The following ARHGEF9 variants were observed in gnomAD, a reference collection of about 807,000 sequenced individuals.
ARHGEF9 encodes the protein rho guanine nucleotide exchange factor 9.
A neutral mutation model predicts 41.3 loss-of-function variants in ARHGEF9; 2 were observed. The observed-to-expected ratio is 0.05, with a 90% CI of 0.02 to 0.15. The LOEUF (loss-of-function observed/expected upper bound fraction) is 0.15. ARHGEF9 is among the 10% of genes least tolerant of loss of function. ARHGEF9 has a pLI of 1.00. For missense variants in ARHGEF9, 225 were observed against 424.7 expected (o/e 0.53, Z 4.13); for synonymous variants, 160 against 154.4 (o/e 1.04, Z -0.27).
intron 1 of ARHGEF9, among the ~76,000 whole-genome samples, chrX:63,774,973 CA>C (rs1423064649): frequency 3.0e-4 from 33 of 111,563 alleles, no homozygotes; most frequent in Non-Finnish European, 5.7e-4. Flanking sequence ...TCAATAAGCA[CA>C]CACACAAAAA....
intron 2 of ARHGEF9, among the ~76,000 whole-genome samples, chrX:63,710,635 G>A (rs1426613145): frequency 9.1e-6 from 1 of 109,621 alleles, no homozygotes; most frequent in African/African-American, 3.3e-5. Context: ...ACCCTTTCAT[G>A]ATTAAAAAAA....
chrX:63,666,734 T>A (rs782742567), intron 6 of ARHGEF9, among the ~76,000 whole-genome samples: 2 of 111,342 alleles, frequency 1.8e-5, no homozygotes, highest in Non-Finnish European at 3.8e-5. Context: ...AATCTACTGA[T>A]TGAATAAGAA....
chrX:63,738,839 T>G (rs2054771336), intron 1 of ARHGEF9, among the ~76,000 whole-genome samples: 1 of 111,323 alleles, frequency 9.0e-6, no homozygotes, highest in African/African-American at 3.3e-5. Flanking sequence ...CTCTCACCAC[T>G]CCACTCAATG....
chrX:63,699,335 G>A (rs1392081442), intron 3 of ARHGEF9, among the ~76,000 whole-genome samples: 4 of 111,647 alleles, frequency 3.6e-5, no homozygotes, highest in African/African-American at 1.3e-4. Context: ...GACAGAAGAG[G>A]GCAGCGTAGA....
In ARHGEF9 at chrX:63,717,422, T is replaced by C. The variant is rs781845290; in HGVS notation, c.210+7110A>G. On this transcript the variant is annotated intron_variant, in intron 2 of 9. Coordinates refer to ENST00000671741, the MANE Select transcript of ARHGEF9 (RefSeq NM_001353921.2). Reference sequence around the variant, plus strand: ...CATGTAGCCCATGTTCTCATACAAGTGGCTGAATGGAGTGGGCCTTGCATG... The same window carrying C: ...CATGTAGCCCATGTTCTCATACAAGCGGCTGAATGGAGTGGGCCTTGCATG... Among the ~76,000 whole-genome samples the C allele has an allele frequency of 1.1e-3, 126 of 112,378 alleles. 1 individual carries two copies. The highest frequency in any genetic ancestry group is 4.0e-3 in the African/African-American group (124 of 30,983).
intron 3 of ARHGEF9, chrX:63,703,105 C>T (rs1427151029): frequency 8.9e-6 from 1 of 112,337 alleles, no homozygotes; most frequent in Non-Finnish European, 1.9e-5. Context: ...CAGCTTTCTC[C>T]ACTTCCCTTT....
intron 1 of ARHGEF9, among the ~76,000 whole-genome samples, chrX:63,770,516 C>T (rs192775373): frequency 7.1e-5 from 8 of 111,894 alleles, no homozygotes; most frequent in Admixed American, 4.7e-4. Context: ...TGGGTTAATG[C>T]TAAAATAAAT....
intron 8 of ARHGEF9, among the ~76,000 whole-genome samples, chrX:63,645,368 T>TCC (rs1271279462): frequency 9.0e-6 from 1 of 110,783 alleles, no homozygotes; most frequent in Non-Finnish European, 1.9e-5. Flanking sequence ...CCTAATGCTT[T>TCC]CCCTCTCCAT....
chrX:63,728,348 G>A (rs1249660341), intron 1 of ARHGEF9, among the ~76,000 whole-genome samples: 1 of 112,266 alleles, frequency 8.9e-6, no homozygotes. Flanking sequence ...GCAGGGATCT[G>A]CTCACTGTGA....
intron 1 of ARHGEF9, among the ~76,000 whole-genome samples, chrX:63,768,788 C>CT (rs2056155587): frequency 9.0e-6 from 1 of 111,644 alleles, no homozygotes; most frequent in South Asian, 3.8e-4. Context: ...TACATTTTTT[C>CT]TTTGCCTGCC....
chrX:63,705,704 T>C (rs1556401062), intron 3 of ARHGEF9, among the ~76,000 whole-genome samples: 1 of 111,187 alleles, frequency 9.0e-6, no homozygotes, highest in East Asian at 2.8e-4. Context: ...GTTCTCCAAG[T>C]GAGAGAGTAG....
rs1324668070 is a variant in ARHGEF9 at position 63,647,731 on chromosome X, T to A, written c.1322-3683A>T. On this transcript the variant is annotated intron_variant, in intron 8 of 9. Transcript: ENST00000671741. ...TCTCTGCCAGGCTTTGGTATCAGGA[T>A]GATGCTTGCCTCATAAAATGAGTTA... 6.3e-5 allele frequency among the ~76,000 whole-genome samples: 7 copies of A among 111,381 alleles called. No individual in the cohort carries two copies. In the Admixed American group the frequency reaches 6.7e-4, roughly 11 times the overall value.
intron 8 of ARHGEF9, among the ~76,000 whole-genome samples, chrX:63,646,362 G>A (rs2048067445): frequency 8.9e-6 from 1 of 111,997 alleles, no homozygotes; most frequent in Non-Finnish European, 1.9e-5. Flanking sequence ...TATGGTTTTA[G>A]GTCTAACATT....
intron 2 of ARHGEF9, among the ~76,000 whole-genome samples, chrX:63,712,289 TAAA>T (rs1466124842): frequency 1.2e-4 from 13 of 111,777 alleles, no homozygotes; most frequent in African/African-American, 4.2e-4. Flanking sequence ...TCAAGAGAAA[TAAA>T]AACACATGCT....
intron 9 of ARHGEF9, among the ~76,000 whole-genome samples, chrX:63,643,717 TAA>T (rs560889265): frequency 1.9e-4 from 18 of 95,704 alleles, no homozygotes; most frequent in Admixed American, 4.6e-4. Context: ...TATTTTTAAG[TAA>T]AAAAAAAAAA....
In ARHGEF9 at chrX:63,672,657, C is replaced by A. The variant is rs553979641; in HGVS notation, c.945+1381G>T. Among the ~76,000 whole-genome samples the A allele has an allele frequency of 5.4e-5, 6 of 111,358 alleles. No homozygotes were observed. The South Asian group carries it at 2.3e-3, about 43-fold the overall frequency. On this transcript the variant is annotated intron_variant, in intron 6 of 9. Coordinates refer to ENST00000671741, the MANE Select transcript of ARHGEF9 (RefSeq NM_001353921.2). ...AGAGCACACAGGGGAATCAGAAAGT[C>A]TTCTAGGCATTGGGAAGTTGGGGAG... is the stretch of plus-strand genomic sequence containing the variant.
chrX:63,765,343 A>C (rs1569506082), intron 1 of ARHGEF9, among the ~76,000 whole-genome samples: 1 of 110,261 alleles, frequency 9.1e-6, no homozygotes, highest in Non-Finnish European at 1.9e-5. Flanking sequence ...CCAGTTCCAA[A>C]GGCTCACTCT....
At chrX:63,782,691 G>A (rs1459675216) in intron 1 of ARHGEF9, among the ~76,000 whole-genome samples, 2 of 112,514 alleles carry the variant, frequency 1.8e-5, no homozygotes, top group East Asian at 5.6e-4. Flanking sequence ...GAAAGAACAA[G>A]GAGCAAAGAT....
In ARHGEF9 at chrX:63,658,950, C is replaced by T. The variant is rs1343049823; in HGVS notation, c.1078-3213G>A. Among the ~76,000 whole-genome samples, 9 of 111,690 alleles carry T rather than the reference C, an allele frequency of 8.1e-5. No individual in the cohort carries two copies. The East Asian group carries it at 1.1e-3, about 14-fold the overall frequency. On this transcript the variant is annotated intron_variant, in intron 7 of 9. Transcript: ENST00000671741. ...TGCTTCCTATTCCAATCTTAGCCTTCGAGGTCAAACTTACACATTCTTATT... is the reference window on the plus strand; with the variant it reads ...TGCTTCCTATTCCAATCTTAGCCTTTGAGGTCAAACTTACACATTCTTATT...
Sources: gnomAD v4.1 joint callset for allele counts (sites outside exome capture counted in the v4.1 genomes callset) on GRCh38, gnomAD v4.1.1 for gene constraint, MANE v1.5 for transcripts, NCBI Gene and HGNC (gene_info 2026-07-23, HGNC 2026-07-21) for gene names.